The following NCAM1 variants were observed in gnomAD, a reference collection of about 807,000 sequenced individuals.
The protein encoded by NCAM1 is antigen recognized by monoclonal antibody 5.1H11.
Under a neutral mutation model 109.8 loss-of-function variants are expected in NCAM1, and 14 were observed. The observed-to-expected ratio is 0.13, with a 90% CI of 0.08 to 0.20. The LOEUF is 0.20. Ranked by LOEUF, NCAM1 falls within the 10% of genes least tolerant of loss-of-function variation. The pLI, the probability that NCAM1 is intolerant of heterozygous loss-of-function variation, is 1.00. For synonymous variants in NCAM1, 418 were observed against 442.9 expected, an observed-to-expected ratio of 0.94 and a Z score of 0.70; for missense variants, 774 against 1,109.9, an observed-to-expected ratio of 0.70 and a Z score of 4.30.
At chr11:113,056,831 GT>G (rs200390276) in intron 1 of NCAM1, among the ~76,000 whole-genome samples, 61 of 151,164 alleles carry the variant, frequency 4.0e-4, no homozygotes, top group African/African-American at 8.7e-4. Context: ...CATTTGTTTT[GT>G]TTTTTTTTAA....
At chr11:113,012,007 C>CCTTCCTTCCTTCCTTG (rs1243482059) in intron 1 of NCAM1, among the ~76,000 whole-genome samples, 5 of 136,660 alleles carry the variant, frequency 3.7e-5, no homozygotes, top group African/African-American at 1.3e-4. Context: ...TTCCTTCCTT[C>CCTTCCTTCCTTCCTTG]CTTCCTTTCT....
intron 1 of NCAM1, among the ~76,000 whole-genome samples, chr11:113,106,181 C>A (rs1940151808): frequency 6.6e-6 from 1 of 152,148 alleles, no homozygotes; most frequent in African/African-American, 2.4e-5. Flanking sequence ...TCAGTAATTT[C>A]TAAATATTAC....
intron 1 of NCAM1, among the ~76,000 whole-genome samples, chr11:113,080,992 A>T (rs1418107544): frequency 6.6e-6 from 1 of 152,212 alleles, no homozygotes; most frequent in African/African-American, 2.4e-5. Flanking sequence ...TTGCCGTCTG[A>T]CAATCATACT....
At chr11:113,108,802 G>C (rs1450021288) in intron 1 of NCAM1, among the ~76,000 whole-genome samples, 1 of 145,788 alleles carries the variant, frequency 6.9e-6, no homozygotes, top group African/African-American at 2.5e-5. Flanking sequence ...TTGAGACAGA[G>C]TCTCACCCTG....
chr11:113,004,455 G>A (rs1555072982), intron 1 of NCAM1, among the ~76,000 whole-genome samples: 1 of 151,912 alleles, frequency 6.6e-6, no homozygotes, highest in Non-Finnish European at 1.5e-5. Context: ...TCGTGCCACT[G>A]CATTCCAGAC....
chr11:113,139,669 C>A (rs1470849449), intron 1 of NCAM1, among the ~76,000 whole-genome samples: 5 of 151,596 alleles, frequency 3.3e-5, no homozygotes, highest in Non-Finnish European at 7.4e-5. Flanking sequence ...TATTTGTAAT[C>A]TTTTGGGTAG....
chr11:112,968,097 A>G (rs1555065961), intron 1 of NCAM1, among the ~76,000 whole-genome samples: 1 of 152,220 alleles, frequency 6.6e-6, no homozygotes, highest in Non-Finnish European at 1.5e-5. Context: ...GCTTGGGAAT[A>G]TAAACTAATC....
At chr11:113,188,576 C>A (rs1943581536) in intron 1 of NCAM1, among the ~76,000 whole-genome samples, 1 of 152,184 alleles carries the variant, frequency 6.6e-6, no homozygotes, top group African/African-American at 2.4e-5. Context: ...GAGGGCTTCT[C>A]AGTTTTAGAG....
chr11:113,136,725 G>A (rs1231936974), intron 1 of NCAM1, among the ~76,000 whole-genome samples: 3 of 152,134 alleles, frequency 2.0e-5, no homozygotes, highest in Non-Finnish European at 4.4e-5. Flanking sequence ...TGGCTTGAGG[G>A]GTTTAGGAAA....
At chr11:113,023,552 G>A (rs1233385951) in intron 1 of NCAM1, among the ~76,000 whole-genome samples, 1 of 152,184 alleles carries the variant, frequency 6.6e-6, no homozygotes, top group Admixed American at 6.5e-5. Context: ...GACTTGGGAA[G>A]TATGAACACA....
chr11:112,966,935 A>G (rs1353169879), intron 1 of NCAM1, among the ~76,000 whole-genome samples: 1 of 152,262 alleles, frequency 6.6e-6, no homozygotes, highest in Admixed American at 6.5e-5. Context: ...CACTAAAAGG[A>G]TAAGCTATTT....
At chr11:113,145,044 A>G (rs1010573608) in intron 1 of NCAM1, among the ~76,000 whole-genome samples, 3 of 152,218 alleles carry the variant, frequency 2.0e-5, no homozygotes, top group Non-Finnish European at 2.9e-5. Context: ...TGAGAAAGAT[A>G]GATACCTCCA....
At chr11:113,184,581 C>G (rs1189254095) in intron 1 of NCAM1, among the ~76,000 whole-genome samples, 1 of 152,140 alleles carries the variant, frequency 6.6e-6, no homozygotes, top group Admixed American at 6.6e-5. Context: ...CATACATACC[C>G]ACACCTTTCT....
At chr11:113,160,791 G>A (rs1555104238) in intron 1 of NCAM1, among the ~76,000 whole-genome samples, 4 of 152,254 alleles carry the variant, frequency 2.6e-5, no homozygotes, top group Admixed American at 6.5e-5. Flanking sequence ...GCAGTTTCTG[G>A]AAGGAATTCA....
intron 1 of NCAM1, among the ~76,000 whole-genome samples, chr11:113,125,477 C>T (rs942163468): frequency 3.9e-5 from 6 of 152,318 alleles, no homozygotes; most frequent in Non-Finnish European, 7.4e-5. Flanking sequence ...ATCGCCCTTA[C>T]GTTTTGATTA....
At chr11:113,258,644 TAACTC>T (rs1945893208) in intron 16 of NCAM1, among the ~76,000 whole-genome samples, 1 of 152,160 alleles carries the variant, frequency 6.6e-6, no homozygotes. Flanking sequence ...TAGAAGAAAA[TAACTC>T]AAATGTTTCT....
chr11:113,032,607 G>A (rs1328184347), intron 1 of NCAM1, among the ~76,000 whole-genome samples: 1 of 152,218 alleles, frequency 6.6e-6, no homozygotes, highest in African/African-American at 2.4e-5. Context: ...AAGGAGTGGG[G>A]TTTGGTGAGC....
In NCAM1 at chr11:113,101,283, A is replaced by C. The variant is rs570900485; in HGVS notation, c.53-101096A>C. 2.0e-5 allele frequency among the ~76,000 whole-genome samples: 3 copies of C among 152,302 alleles called. No individual in the cohort carries two copies. In the East Asian group the frequency reaches 5.8e-4, roughly 29 times the overall value. ...GTGGCAGTGCCAGGAAATTTTAATA[A>C]TTATTAAAACCTTTAAAGTGAAATG... On this transcript the variant is annotated intron_variant, in intron 1 of 19. Coordinates refer to ENST00000316851, the MANE Select transcript of NCAM1 (RefSeq NM_181351.5).
intron 1 of NCAM1, among the ~76,000 whole-genome samples, chr11:113,107,691 C>T (rs1245936987): frequency 1.3e-5 from 2 of 152,098 alleles, no homozygotes; most frequent in South Asian, 4.1e-4. Context: ...ATGGAGGAAA[C>T]GGCCCCCACA....
Sources: allele counts gnomAD v4.1 joint callset (sites outside exome capture counted in the v4.1 genomes callset), GRCh38; gene constraint gnomAD v4.1.1; transcripts MANE v1.5; gene names NCBI Gene and HGNC (gene_info 2026-07-23, HGNC 2026-07-21).